ADAMTS20: variants seen among roughly 807,000 people sequenced by gnomAD.
ADAMTS20 encodes the protein ADAM metallopeptidase with thrombospondin type 1 motif 20, also known as A disintegrin and metalloproteinase with thrombospondin motifs 20.
In ADAMTS20, 225 loss-of-function variants were observed where a neutral mutation model predicts 260.1. The observed-to-expected ratio is 0.87, with a 90% confidence interval of 0.78 to 0.97. The LOEUF is 0.97. ADAMTS20 is among the 50% of genes least tolerant of loss of function. The pLI is 0.00. For missense variants in ADAMTS20, 2,400 were observed against 2,337.7 expected, an observed-to-expected ratio of 1.03 and a Z score of -0.55; for synonymous variants, 802 against 769.5, an observed-to-expected ratio of 1.04 and a Z score of -0.70.
chr12:43,433,185 C>T (rs1350914562), intron 19 of ADAMTS20, among the ~76,000 whole-genome samples: 1 of 152,136 alleles, frequency 6.6e-6, no homozygotes, highest in Non-Finnish European at 1.5e-5. Flanking sequence ...CAGGGAACGT[C>T]TAGGAATTTG....
At chr12:43,450,522 G>GAATA (rs1477528403) in intron 14 of ADAMTS20, among the ~76,000 whole-genome samples, 4 of 152,076 alleles carry the variant, frequency 2.6e-5, no homozygotes, top group African/African-American at 9.7e-5. Context: ...TCAGGCCACT[G>GAATA]AATAACCTTT....
In ADAMTS20 at chr12:43,551,714, G is replaced by T; in HGVS notation, c.91+117C>A. The T allele has an allele frequency of 9.5e-7, 1 of 1,056,948 alleles. No individual in the cohort carries two copies. The highest frequency in any genetic ancestry group is 1.4e-6 in the Non-Finnish European group (1 of 712,366). 65.5% of individuals were successfully genotyped at this position (1,056,948 alleles called of 1,614,324 possible). A position where few individuals can be genotyped will look rare whatever the true frequency, so the allele number is the denominator to read the frequency against. On this transcript the variant is annotated intron_variant, in intron 1 of 38. Transcript: ENST00000389420. The surrounding 1 kb of genome is among the most constrained non-coding windows in gnomAD (Gnocchi z 4.6). ...GCTGACTGGTCCGGGAGTCCCGGGA[G>T]CTCCAGCAGGGCCAGCGTTCCCCAA...
intron 28 of ADAMTS20, among the ~76,000 whole-genome samples, chr12:43,424,593 C>T (rs980032452): frequency 3.8e-4 from 57 of 151,968 alleles, no homozygotes; most frequent in African/African-American, 7.0e-4. Flanking sequence ...TTAAAGAATA[C>T]TATTTGGTTT....
intron 4 of ADAMTS20, among the ~76,000 whole-genome samples, chr12:43,499,714 AG>A (rs1942729258): frequency 6.6e-6 from 1 of 152,084 alleles, no homozygotes; most frequent in African/African-American, 2.4e-5. Flanking sequence ...CATGTTGGCC[AG>A]GATGGTCTCT....
rs148749205 is a variant in ADAMTS20 at position 43,428,526 on chromosome 12, T to C, written c.3660A>G (p.Ser1220=). Residue 1220 remains serine (S), a synonymous_variant, in exon 26 of 39, where the codon TCA becomes TCG. Transcript: ENST00000389420. The stretch of plus-strand genomic sequence containing the variant: ...TTGTTTTTCCATGGCCACAGGAAGC[T>C]GAACACTGATCAAAAATTTAGCCAA... ...EWQAGDWSPC[S]ASCGHGKTTR... is the part of the protein sequence containing the mutation. 10 of 1,609,774 alleles carry C rather than the reference T, an allele frequency of 6.2e-6. No homozygotes were observed. The highest frequency in any genetic ancestry group is 1.3e-5 in the African/African-American group (1 of 74,992).
At chr12:43,472,759 T>C (rs1434693257) in intron 7 of ADAMTS20, among the ~76,000 whole-genome samples, 1 of 151,134 alleles carries the variant, frequency 6.6e-6, no homozygotes, top group Admixed American at 6.6e-5. Context: ...GAAGGAGAAA[T>C]AAAATACTTT....
At chr12:43,424,530 A>G (rs1200725300) in intron 28 of ADAMTS20, among the ~76,000 whole-genome samples, 1 of 152,114 alleles carries the variant, frequency 6.6e-6, no homozygotes, top group East Asian at 1.9e-4. Context: ...TAAACATAAT[A>G]TTTTCACATT....
At chr12:43,368,076 A>G (rs1436437358) in intron 37 of ADAMTS20, among the ~76,000 whole-genome samples, 1 of 151,754 alleles carries the variant, frequency 6.6e-6, no homozygotes, top group African/African-American at 2.4e-5. Flanking sequence ...TACCTTCTCC[A>G]TTTTCCTTAG....
chr12:43,543,313 G>GA (rs891720903), intron 2 of ADAMTS20, among the ~76,000 whole-genome samples: 1 of 151,492 alleles, frequency 6.6e-6, no homozygotes, highest in East Asian at 1.9e-4. Context: ...TTGTCTCAAA[G>GA]AAAAAAAAGA....
chr12:43,523,950 C>A (rs1943106897), intron 3 of ADAMTS20, among the ~76,000 whole-genome samples: 1 of 151,772 alleles, frequency 6.6e-6, no homozygotes, highest in African/African-American at 2.4e-5. Context: ...CCCAAGAAAC[C>A]AGAGTACCTC....
chr12:43,416,343 C>A (rs1443828379), intron 28 of ADAMTS20, among the ~76,000 whole-genome samples: 1 of 131,898 alleles, frequency 7.6e-6, no homozygotes, highest in African/African-American at 2.6e-5. Context: ...GTTTTGACAC[C>A]CAGTCCAAAA....
At position 43,406,489 on chromosome 12, in the gene ADAMTS20, A is replaced by T. The variant is rs1050584231; in HGVS notation, c.4285-7256T>A. 1.2e-4 allele frequency among the ~76,000 whole-genome samples: 18 copies of T among 152,118 alleles called. 1 individual carries two copies. The highest frequency in any genetic ancestry group is 4.1e-4 in the African/African-American group (17 of 41,466). ...ATAAAAGATTAGTGTATGAAACAAC[A>T]TATTAAATCAGGAAATGACAGAATT... is the stretch of plus-strand genomic sequence containing the variant. On this transcript the variant is annotated intron_variant, in intron 28 of 38. Transcript: ENST00000389420.
At chr12:43,530,503 C>G (rs1943205433) in intron 3 of ADAMTS20, among the ~76,000 whole-genome samples, 1 of 152,142 alleles carries the variant, frequency 6.6e-6, no homozygotes, top group South Asian at 2.1e-4. Flanking sequence ...GAGAACCACT[C>G]TAAAGGTTAA....
In ADAMTS20 at chr12:43,383,880, G is replaced by A; in HGVS notation, c.4550C>T (p.Thr1517Ile). Residue 1517 changes from threonine (T) to isoleucine (I), a missense_variant, in exon 30 of 39, where the codon ACC (threonine) becomes ATC (isoleucine). By Grantham distance (89) the Thr-to-Ile change is moderately conservative (BLOSUM62 -1). Transcript: ENST00000389420. ...QVVEEMCDQSTRPCSQRRCWS... is the reference protein window; with the variant it reads ...QVVEEMCDQSIRPCSQRRCWS... ...ACATCGCCTCTGAGAACAAGGTCGG[G>A]TGGACTGATCACACATTTCTTCAAC... The A allele has an allele frequency of 1.2e-6, 2 of 1,613,936 alleles. No homozygotes were observed. The highest frequency in any genetic ancestry group is 1.7e-6 in the Non-Finnish European group (2 of 1,179,866).
intron 4 of ADAMTS20, among the ~76,000 whole-genome samples, chr12:43,500,691 A>G (rs988647924): frequency 3.3e-5 from 5 of 152,328 alleles, no homozygotes; most frequent in Non-Finnish European, 7.4e-5. Context: ...ATCACAATGC[A>G]CTGAATTCTG....
chr12:43,527,873 A>G (rs1444696869), intron 3 of ADAMTS20, among the ~76,000 whole-genome samples: 2 of 152,174 alleles, frequency 1.3e-5, no homozygotes, highest in Non-Finnish European at 2.9e-5. Flanking sequence ...AAGGGCATCC[A>G]AATTGGAAAA....
At chr12:43,384,669 T>G (rs1271618096) in intron 29 of ADAMTS20, among the ~76,000 whole-genome samples, 1 of 152,160 alleles carries the variant, frequency 6.6e-6, no homozygotes, top group Admixed American at 6.5e-5. Flanking sequence ...TGTGTTCTCA[T>G]TGTTCAACTC....
chr12:43,543,242 C>A (rs1167711769), intron 2 of ADAMTS20, among the ~76,000 whole-genome samples: 1 of 152,070 alleles, frequency 6.6e-6, no homozygotes, highest in African/African-American at 2.4e-5. Context: ...CCCAAGAGTT[C>A]AAGGCTACAG....
intron 3 of ADAMTS20, among the ~76,000 whole-genome samples, chr12:43,519,440 T>C (rs1350023485): frequency 6.6e-6 from 1 of 152,050 alleles, no homozygotes; most frequent in Non-Finnish European, 1.5e-5. Context: ...ATTCAGTAAA[T>C]ATTTTATGAA....
Sources: gnomAD v4.1 joint callset for allele counts (sites outside exome capture counted in the v4.1 genomes callset) on GRCh38, gnomAD v4.1.1 for gene constraint, Gnocchi (gnomAD v3.1) non-coding constraint, MANE v1.5 for transcripts, NCBI Gene and HGNC (gene_info 2026-07-23, HGNC 2026-07-21) for gene names.